GALNT18: variants seen among roughly 807,000 people sequenced by gnomAD.
The protein encoded by GALNT18 is GalNAc-transferase 18.
GALNT18 carries 44 observed loss-of-function variants against 69.5 expected under a neutral mutation model. The ratio of observed to expected loss-of-function variants is 0.63; its 90% CI spans 0.50 to 0.81. The LOEUF (loss-of-function observed/expected upper bound fraction) is 0.81, where lower values mean the gene tolerates loss of function less well. Ranked by LOEUF, GALNT18 falls within the 40% of genes least tolerant of loss-of-function variation. GALNT18 has a pLI of 0.00. For synonymous variants in GALNT18, 364 were observed against 318.2 expected (o/e 1.14, Z -1.53); for missense variants, 715 against 810.0 (o/e 0.88, Z 1.42).
intron 3 of GALNT18, among the ~76,000 whole-genome samples, chr11:11,400,647 T>G (rs1041821080): frequency 2.0e-5 from 3 of 152,098 alleles, no homozygotes; most frequent in Admixed American, 6.5e-5. Context: ...CATCAACCAC[T>G]GTCTTCTTGC....
intron 1 of GALNT18, among the ~76,000 whole-genome samples, chr11:11,574,920 C>A (rs1858883209): frequency 6.6e-6 from 1 of 152,206 alleles, no homozygotes; most frequent in Non-Finnish European, 1.5e-5. Flanking sequence ...CCAAAGCATG[C>A]AAATTAATAG....
rs907670636 is a variant in GALNT18 at position 11,497,976 on chromosome 11, A to G, written c.236-49040T>C. ...AAAATAAAAAATAAAATTATAATTC[A>G]TGACTTTTTATATCATCTATGATTT... On this transcript the variant is annotated intron_variant, in intron 1 of 10. Coordinates refer to ENST00000227756, the MANE Select transcript of GALNT18 (RefSeq NM_198516.3). This position sits in a 1 kb window ranked among gnomAD's most constrained non-coding sequence, Gnocchi z 4.2. Among the ~76,000 whole-genome samples, 7 of 152,144 alleles carry G rather than the reference A, an allele frequency of 4.6e-5. No homozygotes were observed. In the South Asian group the frequency reaches 1.2e-3, roughly 27 times the overall value.
intron 1 of GALNT18, among the ~76,000 whole-genome samples, chr11:11,492,799 G>A (rs1178737948): frequency 6.6e-6 from 1 of 152,092 alleles, no homozygotes; most frequent in Non-Finnish European, 1.5e-5. Context: ...TAACGTATCT[G>A]GGGCCTAAAA....
chr11:11,299,421 C>G (rs953747753), intron 9 of GALNT18, among the ~76,000 whole-genome samples: 1 of 152,230 alleles, frequency 6.6e-6, no homozygotes, highest in African/African-American at 2.4e-5. Flanking sequence ...GCTGGGATTA[C>G]AGGCACAGCC....
rs992175123 is a variant in GALNT18 at position 11,339,198 on chromosome 11, C to T, written c.1278+1621G>A. 6.6e-6 allele frequency among the ~76,000 whole-genome samples: 1 copy of T among 152,166 alleles called. No homozygotes were observed. Among genetic ancestry groups the T allele is most frequent in the African/African-American group, 2.4e-5 (1 of 41,434 alleles). The stretch of plus-strand genomic sequence containing the variant: ...TTTCCTTCTCCACCTAAGGCTTTAT[C>T]CTGGGCAATTCCACCTCTTACCTGT... On this transcript the variant is annotated intron_variant, in intron 7 of 10. Transcript: ENST00000227756. The surrounding 1 kb of genome is among the most constrained non-coding windows in gnomAD (Gnocchi z 5.2).
chr11:11,578,688 C>A (rs568725562), intron 1 of GALNT18, among the ~76,000 whole-genome samples: 513 of 152,346 alleles, frequency 3.4e-3, no homozygotes, highest in South Asian at 7.9e-3. Flanking sequence ...GGTTGTGCGT[C>A]GCAGCAGCCG....
chr11:11,425,109 T>C (rs1855098108), intron 3 of GALNT18, among the ~76,000 whole-genome samples: 1 of 152,224 alleles, frequency 6.6e-6, no homozygotes, highest in Admixed American at 6.5e-5. Context: ...CTAGGATTAA[T>C]TGGCTGACCT....
At chr11:11,274,313 C>T (rs553988037) in intron 10 of GALNT18, among the ~76,000 whole-genome samples, 30 of 152,266 alleles carry the variant, frequency 2.0e-4, no homozygotes, top group African/African-American at 6.7e-4. Flanking sequence ...CTCAATACCC[C>T]AGTGGCACCA....
At chr11:11,272,754 C>A (rs1220873128) in intron 10 of GALNT18, among the ~76,000 whole-genome samples, 1 of 151,658 alleles carries the variant, frequency 6.6e-6, no homozygotes, top group Non-Finnish European at 1.5e-5. Flanking sequence ...ACCTCCACTT[C>A]CACCTCCTCA....
chr11:11,574,118 T>C (rs971307774), intron 1 of GALNT18, among the ~76,000 whole-genome samples: 1 of 152,130 alleles, frequency 6.6e-6, no homozygotes, highest in African/African-American at 2.4e-5. Context: ...CCATGCCCCA[T>C]GGGAGAGGAA....
At chr11:11,476,625 ACT>A (rs1271093904) in intron 1 of GALNT18, among the ~76,000 whole-genome samples, 1 of 151,922 alleles carries the variant, frequency 6.6e-6, no homozygotes, top group African/African-American at 2.4e-5. Context: ...TTCTCAGGAA[ACT>A]CTTTTTCTGA....
In GALNT18 at chr11:11,442,887, AT is replaced by A. The variant is rs1397609882; in HGVS notation, c.428+5856del. The stretch of plus-strand genomic sequence containing the variant: ...GGACACTGGTGAGAAGGGCAAAGTC[AT>A]TACTGATAAGGCTCAGGAGCCTCTG... On this transcript the variant is annotated intron_variant, in intron 2 of 10. Coordinates refer to ENST00000227756, the MANE Select transcript of GALNT18 (RefSeq NM_198516.3). Among the ~76,000 whole-genome samples the A allele has an allele frequency of 4.6e-5, 7 of 152,310 alleles. No homozygotes were observed. In the East Asian group the frequency reaches 1.3e-3, roughly 29 times the overall value.
In GALNT18 at chr11:11,591,664, G is replaced by T. The variant is rs1322103315; in HGVS notation, c.235+29695C>A. 2.0e-5 allele frequency among the ~76,000 whole-genome samples: 3 copies of T among 152,196 alleles called. No homozygotes were observed. Among genetic ancestry groups the T allele is most frequent in the African/African-American group, 7.2e-5 (3 of 41,446 alleles). ...TGGAAATGCTCCCTCCTGGGTGAAT[G>T]TATGTGGTTAAAGGAGGCTGAGATA... On this transcript the variant is annotated intron_variant, in intron 1 of 10. Transcript: ENST00000227756. This position sits in a 1 kb window ranked among gnomAD's most constrained non-coding sequence, Gnocchi z 4.8.
intron 1 of GALNT18, among the ~76,000 whole-genome samples, chr11:11,530,960 G>A (rs1036463052): frequency 6.6e-6 from 1 of 152,158 alleles, no homozygotes; most frequent in African/African-American, 2.4e-5. Context: ...AGGAGACAAA[G>A]GCAAGAAAAA....
chr11:11,438,539 C>T (rs767629716), intron 2 of GALNT18, among the ~76,000 whole-genome samples: 11 of 152,162 alleles, frequency 7.2e-5, no homozygotes, highest in Admixed American at 1.3e-4. Context: ...GCATTATTAT[C>T]CCCCATTTAA....
intron 9 of GALNT18, among the ~76,000 whole-genome samples, chr11:11,296,391 A>C (rs1849401522): frequency 6.6e-6 from 1 of 152,082 alleles, no homozygotes; most frequent in Non-Finnish European, 1.5e-5. Flanking sequence ...AAAGGTGCAC[A>C]CCTGTTTATA....
intron 1 of GALNT18, among the ~76,000 whole-genome samples, chr11:11,482,252 T>C (rs7104432): frequency 0.45 from 68,164 of 152,158 alleles, 15,654 homozygotes; most frequent in South Asian, 0.57. Flanking sequence ...GGGCCTGCCA[T>C]CCTCCCCCAG....
rs541144750 is a variant in GALNT18 at position 11,619,097 on chromosome 11, T to C, written c.235+2262A>G. Among the ~76,000 whole-genome samples, 1 of 152,262 alleles carries C rather than the reference T, an allele frequency of 6.6e-6. No homozygotes were observed. Among genetic ancestry groups the C allele is most frequent in the Non-Finnish European group, 1.5e-5 (1 of 68,028 alleles). On this transcript the variant is annotated intron_variant, in intron 1 of 10. Transcript: ENST00000227756. This position sits in a 1 kb window ranked among gnomAD's most constrained non-coding sequence, Gnocchi z 4.9. The stretch of plus-strand genomic sequence containing the variant: ...CATGGCAAAGGGAACTGTTGGTCAT[T>C]GCTACACCATCATGGCACAGCCAAC...
chr11:11,529,153 G>C (rs1210463676), intron 1 of GALNT18, among the ~76,000 whole-genome samples: 2 of 152,224 alleles, frequency 1.3e-5, no homozygotes, highest in African/African-American at 2.4e-5. Context: ...GATGCATGAG[G>C]TCACCAGGTA....
Sources: allele counts gnomAD v4.1 joint callset (sites outside exome capture counted in the v4.1 genomes callset), GRCh38; gene constraint gnomAD v4.1.1; non-coding constraint Gnocchi (gnomAD v3.1); transcripts MANE v1.5; gene names NCBI Gene and HGNC (gene_info 2026-07-23, HGNC 2026-07-21).